Variants in MANEA observed in about 807,000 individuals in gnomAD.
MANEA encodes the protein glycoprotein endo-alpha-1,2-mannosidase.
In MANEA, 25 loss-of-function variants were observed where a neutral mutation model predicts 36.8. The ratio of observed to expected loss-of-function variants is 0.68; its 90% CI spans 0.50 to 0.95. The LOEUF (loss-of-function observed/expected upper bound fraction) is 0.95. Ranked by LOEUF, MANEA falls within the 40% of genes least tolerant of loss-of-function variation. The pLI, the probability that MANEA is intolerant of heterozygous loss-of-function variation, is 0.00. For synonymous variants in MANEA, 198 were observed against 188.5 expected, an observed-to-expected ratio of 1.05 and a Z score of -0.41; for missense variants, 565 against 558.8, an observed-to-expected ratio of 1.01 and a Z score of -0.11.
intron 1 of MANEA, among the ~76,000 whole-genome samples, chr6:95,583,397 A>G (rs1769219640): frequency 6.6e-6 from 1 of 152,110 alleles, no homozygotes; most frequent in Non-Finnish European, 1.5e-5. Context: ...GATGCACAAT[A>G]TGTAAATACA....
Position 95,587,147 on chromosome 6 carries a change from C to A in MANEA, c.544+164C>A, listed in dbSNP as rs368103003. 5.1e-4 allele frequency: 287 copies of A among 559,684 alleles called. 4 individuals carry two copies. The South Asian group carries it at 8.4e-3, about 16-fold the overall frequency. The allele number at this position is 559,684 out of a possible 1,614,324, so 34.7% of individuals were successfully genotyped here. A position where few individuals can be genotyped will look rare whatever the true frequency, so the allele number is the denominator to read the frequency against. On this transcript the variant is annotated intron_variant, in intron 2 of 4. Coordinates refer to ENST00000358812, the MANE Select transcript of MANEA (RefSeq NM_024641.4). ...GTATGATCTTAAACATCCAGGCAAC[C>A]ACATTTTAACACTGCCCTTAGTGTA...
intron 3 of MANEA, 115 bp from the exon 4 acceptor site, chr6:95,604,712 T>C (rs905308255): frequency 1.5e-5 from 7 of 474,238 alleles, no homozygotes; most frequent in African/African-American, 8.2e-5. Flanking sequence ...GTTCAATAAA[T>C]ATTCATCTTT....
At chr6:95,592,892 A>G (rs1769408887) in intron 2 of MANEA, among the ~76,000 whole-genome samples, 1 of 152,094 alleles carries the variant, frequency 6.6e-6, no homozygotes, top group Non-Finnish European at 1.5e-5. Flanking sequence ...TATATTCTTA[A>G]CTGTTATCCT....
chr6:95,585,969 C>G (rs561670205), intron 1 of MANEA, among the ~76,000 whole-genome samples: 3 of 151,976 alleles, frequency 2.0e-5, no homozygotes, highest in African/African-American at 7.3e-5. Flanking sequence ...TCAAGACCAG[C>G]CTGGTCAACA....
intron 1 of MANEA, among the ~76,000 whole-genome samples, chr6:95,578,291 A>C (rs1412137165): frequency 6.6e-6 from 1 of 152,212 alleles, no homozygotes; most frequent in Non-Finnish European, 1.5e-5. Context: ...TTTCCAAAGA[A>C]GCAACTTGAA....
At chr6:95,582,617 C>T (rs1382942176) in intron 1 of MANEA, among the ~76,000 whole-genome samples, 1 of 152,186 alleles carries the variant, frequency 6.6e-6, no homozygotes, top group Admixed American at 6.5e-5. Context: ...GGTATGTTAA[C>T]AGCTCACATT....
rs1179878653 is a variant in MANEA at position 95,608,491 on chromosome 6, G to C, written c.*2086G>C. 6.6e-6 allele frequency: 1 copy of C among 151,764 alleles called. No homozygotes were observed. Among genetic ancestry groups the C allele is most frequent in the Non-Finnish European group, 1.5e-5 (1 of 67,778 alleles). 9.4% of individuals were successfully genotyped at this position (151,764 alleles called of 1,614,324 possible). ...TCCACACAGCATACTTCATCTCTGA[G>C]CTTTGTTGTGATTCCTCAACACATT... On this transcript the variant is annotated 3_prime_UTR_variant, in exon 5 of 5. Coordinates refer to ENST00000358812, the MANE Select transcript of MANEA (RefSeq NM_024641.4).
chr6:95,582,335 C>G (rs1769198922), intron 1 of MANEA, among the ~76,000 whole-genome samples: 2 of 152,030 alleles, frequency 1.3e-5, no homozygotes, highest in African/African-American at 4.8e-5. Flanking sequence ...AGGTGCCCAC[C>G]ACCATGCCTG....
intron 3 of MANEA, among the ~76,000 whole-genome samples, chr6:95,602,525 G>A (rs73548689): frequency 0.011 from 1,728 of 152,198 alleles, 40 homozygotes; most frequent in African/African-American, 0.04. Context: ...TTATTAAAAT[G>A]CAGGGTAGGG....
intron 2 of MANEA, among the ~76,000 whole-genome samples, chr6:95,591,496 G>GT (rs1474936963): frequency 1.3e-5 from 2 of 151,654 alleles, no homozygotes; most frequent in Non-Finnish European, 2.9e-5. Context: ...GGATGGATAT[G>GT]TTTTGTTGTT....
chr6:95,587,058 C>A, intron 2 of MANEA, 75 bp downstream of exon 2: 1 of 860,718 alleles, frequency 1.2e-6, no homozygotes, highest in Non-Finnish European at 1.9e-6. Context: ...TGTAACTTTA[C>A]TAGTTAATTT....
At position 95,602,396 on chromosome 6, in the gene MANEA, GT is replaced by G. The variant is rs1562200524; in HGVS notation, c.655-2429del. On this transcript the variant is annotated intron_variant, in intron 3 of 4. Transcript: ENST00000358812. ...GAGTAGGAAGACCTACCTCAATTTT[GT>G]TGTGGCAGGGGATAGGGGAGTGTGC... is the stretch of plus-strand genomic sequence containing the variant. Among the ~76,000 whole-genome samples the G allele has an allele frequency of 1.3e-5, 2 of 152,132 alleles. 1 individual carries two copies. The highest frequency in any genetic ancestry group is 2.9e-5 in the Non-Finnish European group (2 of 68,018).
chr6:95,594,049 A>G (rs1027524744), intron 2 of MANEA, among the ~76,000 whole-genome samples: 1 of 151,676 alleles, frequency 6.6e-6, no homozygotes, highest in African/African-American at 2.4e-5. Flanking sequence ...CAACAGAGCA[A>G]GATTCCGTCT....
Position 95,596,746 on chromosome 6 carries a change from C to G in MANEA, c.554C>G (p.Ala185Gly), listed in dbSNP as rs570143986. The change falls in exon 3 of 5, where the codon GCC becomes GGC. Residue 185 changes from alanine to glycine, a missense_variant. Physicochemically the swap from Ala to Gly is moderately conservative, Grantham distance 60 (BLOSUM62 0). Coordinates refer to ENST00000358812, the MANE Select transcript of MANEA (RefSeq NM_024641.4). ...QMRSASIGVL[A>G]LSWYPPDVND... Reference sequence around the variant, plus strand: ...TGGTCTTTTCTATTAGGTGTACTAGCCCTCTCTTGGTACCCACCTGATGTA... The same window carrying G: ...TGGTCTTTTCTATTAGGTGTACTAGGCCTCTCTTGGTACCCACCTGATGTA... The G allele has an allele frequency of 2.5e-6, 4 of 1,578,772 alleles. No individual in the cohort carries two copies. The African/African-American group carries it at 5.4e-5, about 21-fold the overall frequency.
intron 3 of MANEA, 107 bp downstream of exon 3, chr6:95,596,953 AG>A: frequency 1.9e-6 from 1 of 517,180 alleles, no homozygotes; most frequent in South Asian, 3.7e-5. Flanking sequence ...ATAATGACTT[AG>A]AATCTTTTAA....
Position 95,606,213 on chromosome 6 carries a change from C to A in MANEA, c.1197C>A (p.Ile399=). 1 of 1,613,978 alleles carries A rather than the reference C, an allele frequency of 6.2e-7. No homozygotes were observed. Among genetic ancestry groups the A allele is most frequent in the South Asian group, 1.1e-5 (1 of 91,078 alleles). Residue 399 remains isoleucine (I), a synonymous_variant, in exon 5 of 5, where the codon ATC becomes ATA. Coordinates refer to ENST00000358812, the MANE Select transcript of MANEA (RefSeq NM_024641.4). ...ALQTRPSLIS[I]TSFNEWHEGT... ...AGACACGCCCCAGCTTAATTTCTATCACCTCTTTTAATGAGTGGCATGAAG... is the reference window on the plus strand; with the variant it reads ...AGACACGCCCCAGCTTAATTTCTATAACCTCTTTTAATGAGTGGCATGAAG...
At chr6:95,599,984 TTTTCTGTCCAGGCCC>T (rs1294796857) in intron 3 of MANEA, among the ~76,000 whole-genome samples, 6 of 152,210 alleles carry the variant, frequency 3.9e-5, no homozygotes, top group Non-Finnish European at 7.3e-5. Context: ...CAAGAGCTGC[TTTTCTGTCCAGGCCC>T]TGCCAAAATC....
chr6:95,599,498 CTTT>C (rs1476620387), intron 3 of MANEA, among the ~76,000 whole-genome samples: 1 of 151,742 alleles, frequency 6.6e-6, no homozygotes, highest in African/African-American at 2.4e-5. Context: ...TTTGCTGAAG[CTTT>C]TTATTTGCTC....
chr6:95,587,005 A>ATG lies in MANEA; in HGVS notation c.544+28_544+29dup, dbSNP rs112818736. ...ATTGGTAATTATTGTATATATATAT[A>ATG]TGTGTGTTTGTGTCTGTATATATGC... On this transcript the variant is annotated intron_variant, in intron 2 of 4. Coordinates refer to ENST00000358812, the MANE Select transcript of MANEA (RefSeq NM_024641.4). The ATG allele has an allele frequency of 1.4e-3, 1,821 of 1,305,880 alleles. 4 individuals carry two copies. Among genetic ancestry groups the ATG allele is most frequent in the East Asian group, 3.1e-3 (126 of 40,512 alleles). The allele number at this position is 1,305,880 out of a possible 1,614,324, so 80.9% of individuals were successfully genotyped here. A position where few individuals can be genotyped will look rare whatever the true frequency, so the allele number is the denominator to read the frequency against.
Sources: allele counts gnomAD v4.1 joint callset (sites outside exome capture counted in the v4.1 genomes callset), GRCh38; gene constraint gnomAD v4.1.1; transcripts MANE v1.5; gene names NCBI Gene and HGNC (gene_info 2026-07-23, HGNC 2026-07-21).